VIPAS39: variants seen among roughly 807,000 people sequenced by gnomAD.
VIPAS39 encodes the protein spermatogenesis-defective protein 39 homolog.
A neutral mutation model predicts 84.7 loss-of-function variants in VIPAS39; 63 were observed. The observed-to-expected ratio is 0.74, with a 90% CI of 0.61 to 0.92. The LOEUF is 0.92. VIPAS39 is among the 40% of genes least tolerant of loss of function. The pLI, the probability that VIPAS39 is intolerant of heterozygous loss-of-function variation, is 0.00. For synonymous variants in VIPAS39, 192 were observed against 216.5 expected (o/e 0.89, Z 0.99); for missense variants, 499 against 604.5 (o/e 0.83, Z 1.83).
At chr14:77,428,644 T>G (rs1450008901) in intron 18 of VIPAS39, among the ~76,000 whole-genome samples, 170 bp from the exon 19 acceptor site, 1 of 152,136 alleles carries the variant, frequency 6.6e-6, no homozygotes, top group Non-Finnish European at 1.5e-5. Flanking sequence ...TTATTTCTTT[T>G]TGTCATTATC....
intron 19 of VIPAS39, 93 bp from the exon 20 acceptor site, chr14:77,427,729 G>C: frequency 6.6e-7 from 1 of 1,521,732 alleles, no homozygotes; most frequent in Non-Finnish European, 9.1e-7. Context: ...GGCTCAGCTA[G>C]ATAATGTAAG....
chr14:77,452,779 C>CAAAAA (rs11418833), intron 3 of VIPAS39, among the ~76,000 whole-genome samples: 1 of 106,798 alleles, frequency 9.4e-6, no homozygotes, highest in Non-Finnish European at 1.8e-5. Context: ...GACTCCATCT[C>CAAAAA]AAAAAAAAAA....
intron 17 of VIPAS39, 25 bp from the exon 18 acceptor site, chr14:77,429,120 A>C: frequency 6.2e-7 from 1 of 1,601,550 alleles, no homozygotes; most frequent in East Asian, 2.2e-5. Flanking sequence ...ACTTCCGATT[A>C]ATGATTCAAA....
Position 77,455,251 on chromosome 14 carries a change from G to C in VIPAS39, c.1-1149C>G, listed in dbSNP as rs192942548. ...TAATCTCAGCACTTTGGGAGACTGA[G>C]GTGGGAGGATCACCTGAGCCCAAGT... On this transcript the variant is annotated intron_variant, in intron 1 of 19. Transcript: ENST00000557658. 4.1e-4 allele frequency among the ~76,000 whole-genome samples: 62 copies of C among 152,298 alleles called. 1 individual carries two copies. The highest frequency in any genetic ancestry group is 1.1e-3 in the Admixed American group (17 of 15,288).
At chr14:77,455,245 G>C (rs2078942874) in intron 1 of VIPAS39, among the ~76,000 whole-genome samples, 1 of 152,202 alleles carries the variant, frequency 6.6e-6, no homozygotes, top group Non-Finnish European at 1.5e-5. Context: ...CACTTTGGGA[G>C]ACTGAGGTGG....
intron 11 of VIPAS39, chr14:77,440,477 A>G (rs1007507101): frequency 6.3e-6 from 1 of 157,954 alleles, no homozygotes; most frequent in Non-Finnish European, 1.4e-5. Flanking sequence ...CAAAACCCCA[A>G]AACTCCTAAC....
At position 77,435,799 on chromosome 14, in the gene VIPAS39, G is replaced by A. The variant is rs568872047; in HGVS notation, c.912+45C>T. The stretch of plus-strand genomic sequence containing the variant: ...AATCTCCTAGATGCTGAACGGCACT[G>A]AGCCTTGGCACTGAAGCAAAAGATA... On this transcript the variant is annotated intron_variant, in intron 13 of 19. Coordinates refer to ENST00000557658, the MANE Select transcript of VIPAS39 (RefSeq NM_001193315.2). 19 of 1,598,528 alleles carry A rather than the reference G, an allele frequency of 1.2e-5. No homozygotes were observed. The Admixed American group carries it at 2.3e-4, about 20-fold the overall frequency.
chr14:77,444,501 C>A (rs1221980841), intron 7 of VIPAS39, among the ~76,000 whole-genome samples, 160 bp from the exon 8 acceptor site: 1 of 152,168 alleles, frequency 6.6e-6, no homozygotes, highest in Admixed American at 6.5e-5. Context: ...CAGTTGGCTC[C>A]CACCACCCTC....
chr14:77,427,548 A>G lies in VIPAS39; in HGVS notation c.*68T>C. On this transcript the variant is annotated 3_prime_UTR_variant, in exon 20 of 20. Transcript: ENST00000557658. Reference sequence around the variant, plus strand: ...TGTGATGCCGCAGCTCTCCCAAAGAAGAGCTCTCTCTGCTTTCACAGGCAG... The same window carrying G: ...TGTGATGCCGCAGCTCTCCCAAAGAGGAGCTCTCTCTGCTTTCACAGGCAG... 6.2e-7 allele frequency: 1 copy of G among 1,605,406 alleles called. No individual in the cohort carries two copies. Among genetic ancestry groups the G allele is most frequent in the Non-Finnish European group, 8.5e-7 (1 of 1,172,140 alleles).
chr14:77,451,242 G>A lies in VIPAS39; in HGVS notation c.288C>T (p.Ser96=), dbSNP rs1305701562. The part of the protein sequence containing the change: ...EQLKSRNSFS[S]YAQLPKPTST... ...AAGTAGGCTTGGGTAGTTGTGCATA[G>A]GAGGAGAAGCTGTTTCGGCTCTTTA... The change falls in exon 4 of 20, where the codon TCC becomes TCT. Residue 96 remains serine (S), a synonymous_variant. Transcript: ENST00000557658. 3.1e-6 allele frequency: 5 copies of A among 1,614,232 alleles called. No individual in the cohort carries two copies. In the South Asian group the frequency reaches 4.4e-5, roughly 14 times the overall value.
At chr14:77,433,766 C>T in intron 16 of VIPAS39, 76 bp downstream of exon 16, 13 of 1,444,194 alleles carry the variant, frequency 9.0e-6, no homozygotes, top group Middle Eastern at 1.8e-4. Context: ...AAATGTAAAC[C>T]GGTAACTAGA....
rs1215156824 is a variant in VIPAS39, at chr14:77,443,294, T to G, written c.598-142A>C. The stretch of plus-strand genomic sequence containing the variant: ...CTGTATGTGATGCAAGGAAAGCCAA[T>G]GGCTATCTGGAACTGAGCTGTGTCT... On this transcript the variant is annotated intron_variant, in intron 8 of 19. Coordinates refer to ENST00000557658, the MANE Select transcript of VIPAS39 (RefSeq NM_001193315.2). 2.4e-5 allele frequency: 23 copies of G among 962,554 alleles called. No individual in the cohort carries two copies. The East Asian group carries it at 6.0e-4, about 25-fold the overall frequency. 59.6% of individuals were successfully genotyped at this position (962,554 alleles called of 1,614,324 possible).
At chr14:77,438,535 T>C (rs2078651906) in intron 11 of VIPAS39, among the ~76,000 whole-genome samples, 3 of 152,234 alleles carry the variant, frequency 2.0e-5, no homozygotes, top group South Asian at 2.1e-4. Context: ...GGCCCAAATA[T>C]GGAATATTTC....
intron 4 of VIPAS39, among the ~76,000 whole-genome samples, chr14:77,450,698 C>T (rs745925081): frequency 2.0e-4 from 30 of 152,060 alleles, no homozygotes; most frequent in Non-Finnish European, 3.5e-4. Context: ...TTAGTAGAGA[C>T]GGGGTTTCAC....
At position 77,452,322 on chromosome 14, in the gene VIPAS39, G is replaced by A. The variant is rs374115112; in HGVS notation, c.196+977C>T. On this transcript the variant is annotated intron_variant, in intron 3 of 19. Coordinates refer to ENST00000557658, the MANE Select transcript of VIPAS39 (RefSeq NM_001193315.2). ...CTTTAGATGAATACACAGGAACCAA[G>A]CAACGATTGTTTTTTGGGAGGACAT... Among the ~76,000 whole-genome samples the A allele has an allele frequency of 1.5e-4, 23 of 152,084 alleles. No homozygotes were observed. The East Asian group carries it at 1.5e-3, about 10-fold the overall frequency.
At chr14:77,452,165 A>C (rs2078892450) in intron 3 of VIPAS39, among the ~76,000 whole-genome samples, 1 of 152,248 alleles carries the variant, frequency 6.6e-6, no homozygotes, top group Non-Finnish European at 1.5e-5. Flanking sequence ...AACACTCTTT[A>C]TATACTGACA....
Position 77,451,240 on chromosome 14 carries a change from TAGG to T in VIPAS39, c.287_289del (p.Ser96del). The T allele has an allele frequency of 1.2e-6, 2 of 1,614,230 alleles. No homozygotes were observed. The highest frequency in any genetic ancestry group is 8.5e-7 in the Non-Finnish European group (1 of 1,180,036). ...AGAAGTAGGCTTGGGTAGTTGTGCA[TAGG>T]AGGAGAAGCTGTTTCGGCTCTTTAG... is the stretch of plus-strand genomic sequence containing the variant. On this transcript the variant is annotated inframe_deletion, in exon 4 of 20. Coordinates refer to ENST00000557658, the MANE Select transcript of VIPAS39 (RefSeq NM_001193315.2).
At chr14:77,437,315 G>T (rs563911432) in intron 12 of VIPAS39, among the ~76,000 whole-genome samples, 1 of 152,312 alleles carries the variant, frequency 6.6e-6, no homozygotes, top group South Asian at 2.1e-4. Flanking sequence ...CCTGTCACAG[G>T]AATATGTGGA....
At chr14:77,441,973 A>G (rs1464171284) in intron 10 of VIPAS39, among the ~76,000 whole-genome samples, 3 of 152,194 alleles carry the variant, frequency 2.0e-5, no homozygotes, top group Admixed American at 2.0e-4. Flanking sequence ...CCTCTCACCT[A>G]TCAGAATCCT....
Sources: gnomAD v4.1 joint callset for allele counts (sites outside exome capture counted in the v4.1 genomes callset) on GRCh38, gnomAD v4.1.1 for gene constraint, MANE v1.5 for transcripts, NCBI Gene and HGNC (gene_info 2026-07-23, HGNC 2026-07-21) for gene names.